The following GPR84 variants were observed in gnomAD, a reference collection of about 807,000 sequenced individuals.
GPR84 encodes the protein G-protein coupled receptor 84.
In GPR84, 8 loss-of-function variants were observed where a neutral mutation model predicts 14.9. The observed-to-expected ratio is 0.54, with a 90% confidence interval of 0.31 to 0.97. GPR84 has a LOEUF of 0.97. Ranked by LOEUF, GPR84 falls within the 50% of genes least tolerant of loss-of-function variation. The pLI, the probability that GPR84 is intolerant of heterozygous loss-of-function variation, is 0.04. For synonymous variants in GPR84, 164 were observed against 198.1 expected (o/e 0.83, Z 1.45); for missense variants, 424 against 498.7 (o/e 0.85, Z 1.43).
At chr12:54,359,182 T>A (rs972936837), downstream of GPR84, among the ~76,000 whole-genome samples, 1 of 152,034 alleles carries the variant, frequency 6.6e-6, no homozygotes, top group Non-Finnish European at 1.5e-5. Context: ...CCCTAGCAGC[T>A]GCACCCCCCT....
chr12:54,363,493 A>G lies in GPR84; in HGVS notation c.359T>C (p.Leu120Pro). 1 of 1,614,026 alleles carries G rather than the reference A, an allele frequency of 6.2e-7. No homozygotes were observed. The highest frequency in any genetic ancestry group is 8.5e-7 in the Non-Finnish European group (1 of 1,179,932). Residue 120 changes from leucine to proline, a missense_variant, in exon 2 of 2, where the codon CTC (leucine) becomes CCC (proline). Transcript: ENST00000267015. ...TLCLIALGRY[L>P]LIAHPKLFPQ... ...AAAAAGCTTAGGGTGGGCAATGAGG[A>G]GGTAGCGTCCCAGTGCGATGAGGCA...
At chr12:54,359,836 G>A (rs1478808893), downstream of GPR84, among the ~76,000 whole-genome samples, 2 of 152,108 alleles carry the variant, frequency 1.3e-5, no homozygotes, top group Non-Finnish European at 2.9e-5. Flanking sequence ...TTAGGGGCTG[G>A]GGTGGATGTG....
downstream of GPR84, among the ~76,000 whole-genome samples, chr12:54,360,720 C>T (rs960990039): frequency 1.3e-5 from 2 of 152,108 alleles, no homozygotes; most frequent in Non-Finnish European, 2.9e-5. Flanking sequence ...TTACTTTGTT[C>T]TCTCAAACCA....
chr12:54,350,988 G>T, the GPR84 span: 1 of 182,464 alleles, frequency 5.5e-6, no homozygotes, highest in Admixed American at 5.3e-5. Flanking sequence ...GGCGGGGATG[G>T]GTAGGGATTT....
downstream of GPR84, among the ~76,000 whole-genome samples, chr12:54,362,020 C>T (rs1276206847): frequency 1.3e-5 from 2 of 152,232 alleles, no homozygotes; most frequent in Non-Finnish European, 2.9e-5. The surrounding 1 kb of genome is among the most constrained non-coding windows in gnomAD (Gnocchi z 4.0). Context: ...GGGACTGGTC[C>T]CACTGGAGTA....
chr12:54,359,072 A>G (rs1012892416), downstream of GPR84, among the ~76,000 whole-genome samples: 7 of 150,820 alleles, frequency 4.6e-5, no homozygotes, highest in Non-Finnish European at 1.0e-4. Flanking sequence ...AGGTAGAGGG[A>G]GCGCCATTCC....
At chr12:54,361,024 C>A (rs1954262910), downstream of GPR84, among the ~76,000 whole-genome samples, 1 of 152,166 alleles carries the variant, frequency 6.6e-6, no homozygotes, top group African/African-American at 2.4e-5. The surrounding 1 kb of genome is among the most constrained non-coding windows in gnomAD (Gnocchi z 4.3). Flanking sequence ...ACGCAGAGAA[C>A]CAGCGTCACC....
At chr12:54,352,878 A>G in the GPR84 span, among the ~76,000 whole-genome samples, 1 of 152,234 alleles carries the variant, frequency 6.6e-6, no homozygotes, top group African/African-American at 2.4e-5. Context: ...AAGAGTTTGG[A>G]TAAAGACTAG....
At chr12:54,351,219 C>A in the GPR84 span, 1 of 152,438 alleles carries the variant, frequency 6.6e-6, no homozygotes, top group Admixed American at 6.5e-5. Flanking sequence ...GAGTGTCCAT[C>A]TCTTAGTTAG....
At chr12:54,350,739 A>T in the GPR84 span, 1 of 589,998 alleles carries the variant, frequency 1.7e-6, no homozygotes, top group Non-Finnish European at 3.0e-6. Flanking sequence ...AGCTCCCAGC[A>T]TATTTAGATA....
At chr12:54,356,592 C>T in the GPR84 span, among the ~76,000 whole-genome samples, 1 of 152,190 alleles carries the variant, frequency 6.6e-6, no homozygotes, top group Non-Finnish European at 1.5e-5. Flanking sequence ...TTTCATGCCC[C>T]TTCCAGCCCC....
At chr12:54,356,054 A>C in the GPR84 span, among the ~76,000 whole-genome samples, 7 of 152,290 alleles carry the variant, frequency 4.6e-5, no homozygotes, top group African/African-American at 1.7e-4. Flanking sequence ...AGGATTTGGA[A>C]ACTAGAGGCA....
Position 54,362,909 on chromosome 12 carries a change from C to T in GPR84, c.943G>A (p.Gly315Arg). ...GCAAAACACATTCGAGTCACCTTCC[C>T]AAATTCCGATGAAGAATCCGGAGCT... The part of the protein sequence containing the change: ...RRAPDSSSEF[G>R]KVTRMCFAVF... Residue 315 changes from glycine (G) to arginine (R), a missense_variant, in exon 2 of 2, where the codon GGG becomes AGG. Coordinates refer to ENST00000267015, the MANE Select transcript of GPR84 (RefSeq NM_020370.3). This position sits in a 1 kb window ranked among gnomAD's most constrained non-coding sequence, Gnocchi z 4.0. 6.2e-7 allele frequency: 1 copy of T among 1,614,234 alleles called. No individual in the cohort carries two copies. The highest frequency in any genetic ancestry group is 8.5e-7 in the Non-Finnish European group (1 of 1,180,030).
downstream of GPR84, among the ~76,000 whole-genome samples, chr12:54,361,518 G>A (rs2137128605): frequency 6.6e-6 from 1 of 152,224 alleles, no homozygotes; most frequent in East Asian, 1.9e-4. The surrounding 1 kb of genome is among the most constrained non-coding windows in gnomAD (Gnocchi z 4.3). Flanking sequence ...TCACAGGCAT[G>A]CGCCACCATG....
chr12:54,351,520 G>A, the GPR84 span: 9 of 152,170 alleles, frequency 5.9e-5, no homozygotes. Flanking sequence ...TGCTCTCCCT[G>A]TCTCTAGGTC....
the GPR84 span, among the ~76,000 whole-genome samples, chr12:54,354,181 C>T: frequency 2.0e-5 from 3 of 149,646 alleles, no homozygotes; most frequent in Non-Finnish European, 3.0e-5. Flanking sequence ...GTGGCATGAT[C>T]GTAGGTCACT....
At position 54,363,078 on chromosome 12, in the gene GPR84, T is replaced by C; in HGVS notation, c.774A>G (p.Pro258=). The C allele has an allele frequency of 6.2e-7, 1 of 1,614,200 alleles. No homozygotes were observed. The highest frequency in any genetic ancestry group is 1.3e-5 in the African/African-American group (1 of 75,044). Residue 258 remains proline (P), a synonymous_variant, in exon 2 of 2, where the codon CCA becomes CCG. Coordinates refer to ENST00000267015, the MANE Select transcript of GPR84 (RefSeq NM_020370.3). The stretch of plus-strand genomic sequence containing the variant: ...GGGTCTGGGTGGTGGCAGCACTGAC[T>C]GGCTCAGATGAAATCCCCTCACTGG... The part of the protein sequence containing the change: ...GGPSEGISSE[P]VSAATTQTLE...
At position 54,363,362 on chromosome 12, in the gene GPR84, C is replaced by T. The variant is rs747972744; in HGVS notation, c.490G>A (p.Val164Ile). The change falls in exon 2 of 2, where the codon GTA becomes ATA. Residue 164 changes from valine (V) to isoleucine (I), a missense_variant. Physicochemically the swap from Val to Ile is conservative, Grantham distance 29. Transcript: ENST00000267015. Reference sequence around the variant, plus strand: ...CGGTCAAAGCTGCAGGTGCAGACTACAGGTACCAGGATATAAATAGGCCAG... The same window carrying T: ...CGGTCAAAGCTGCAGGTGCAGACTATAGGTACCAGGATATAAATAGGCCAG... Reference protein sequence around the residue: ...PLWPIYILVPVVCTCSFDRIR... With the variant: ...PLWPIYILVPIVCTCSFDRIR... The T allele has an allele frequency of 1.3e-5, 21 of 1,614,010 alleles. No individual in the cohort carries two copies. Among genetic ancestry groups the T allele is most frequent in the Non-Finnish European group, 1.8e-5 (21 of 1,180,004 alleles).
downstream of GPR84, among the ~76,000 whole-genome samples, chr12:54,358,536 A>T (rs1592217076): frequency 4.2e-5 from 6 of 142,142 alleles, no homozygotes; most frequent in South Asian, 2.3e-4. Context: ...CCTCTCTCTC[A>T]CCTCCCTATT....
Sources: allele counts gnomAD v4.1 joint callset (sites outside exome capture counted in the v4.1 genomes callset), GRCh38; gene constraint gnomAD v4.1.1; non-coding constraint Gnocchi (gnomAD v3.1); transcripts MANE v1.5; gene names NCBI Gene and HGNC (gene_info 2026-07-23, HGNC 2026-07-21).